Variants in KCND2 observed in about 807,000 individuals in gnomAD.
KCND2 encodes A-type voltage-gated potassium channel KCND2.
In KCND2, 16 loss-of-function variants were observed where a neutral mutation model predicts 54.4. The ratio of observed to expected loss-of-function variants is 0.29; its 90% CI spans 0.20 to 0.45. The LOEUF (loss-of-function observed/expected upper bound fraction) is 0.45. KCND2 is among the 20% of genes least tolerant of loss of function. The pLI is 1.00. For missense variants in KCND2, 486 were observed against 824.2 expected, an observed-to-expected ratio of 0.59 and a Z score of 5.02; for synonymous variants, 317 against 310.7, an observed-to-expected ratio of 1.02 and a Z score of -0.21.
chr7:120,686,278 A>T lies in KCND2; in HGVS notation c.1116-46625A>T, dbSNP rs116260716. Among the ~76,000 whole-genome samples, 520 of 152,316 alleles carry T rather than the reference A, an allele frequency of 3.4e-3. 7 individuals carry two copies. The highest frequency in any genetic ancestry group is 0.012 in the African/African-American group (489 of 41,580). ...ATACTCTTAGATACATATGCCCAGA[A>T]GTAGGATTGCTGTATCATAGTGGAG... On this transcript the variant is annotated intron_variant, in intron 1 of 5. Coordinates refer to ENST00000331113, the MANE Select transcript of KCND2 (RefSeq NM_012281.3).
chr7:120,419,390 C>T, intron 1 of KCND2, among the ~76,000 whole-genome samples: 1 of 152,140 alleles, frequency 6.6e-6, no homozygotes, highest in East Asian at 1.9e-4. Flanking sequence ...AATCCTTTGT[C>T]TATGACTTAT....
intron 1 of KCND2, among the ~76,000 whole-genome samples, chr7:120,690,893 T>C (rs1792260363): frequency 6.6e-6 from 1 of 152,046 alleles, no homozygotes; most frequent in African/African-American, 2.4e-5. Flanking sequence ...ATGCATGCTA[T>C]AAAGAAAAAG....
intron 1 of KCND2, among the ~76,000 whole-genome samples, chr7:120,284,485 T>C (rs1011581942): frequency 6.6e-6 from 1 of 152,198 alleles, no homozygotes; most frequent in Non-Finnish European, 1.5e-5. Context: ...GAGGTGTTTT[T>C]GTATTCTTCT....
chr7:120,707,101 A>G (rs1357655014), intron 1 of KCND2, among the ~76,000 whole-genome samples: 1 of 152,132 alleles, frequency 6.6e-6, no homozygotes, highest in African/African-American at 2.4e-5. Flanking sequence ...TGCTTTATCA[A>G]TTCTATGACT....
chr7:120,702,312 G>GA (rs935686124), intron 1 of KCND2, among the ~76,000 whole-genome samples: 5 of 152,178 alleles, frequency 3.3e-5, no homozygotes, highest in African/African-American at 9.6e-5. Context: ...TGAGGTTGCA[G>GA]AAAAAAGGAA....
chr7:120,312,600 A>C (rs1415965277), intron 1 of KCND2, among the ~76,000 whole-genome samples: 1 of 152,156 alleles, frequency 6.6e-6, no homozygotes, highest in East Asian at 1.9e-4. Context: ...TATGGCGACA[A>C]AAATTCATAC....
intron 1 of KCND2, among the ~76,000 whole-genome samples, chr7:120,332,649 G>C (rs7800044): frequency 0.96 from 145,575 of 152,138 alleles, 69,964 homozygotes; most frequent in East Asian, 1. Flanking sequence ...TTTAAAGGAG[G>C]CTTTCATAAA....
At chr7:120,421,924 G>T (rs893968498) in intron 1 of KCND2, among the ~76,000 whole-genome samples, 1 of 152,214 alleles carries the variant, frequency 6.6e-6, no homozygotes, top group Non-Finnish European at 1.5e-5. Flanking sequence ...GAGCTGGGCA[G>T]TTGGAGATCC....
intron 1 of KCND2, among the ~76,000 whole-genome samples, chr7:120,385,990 C>G (rs1800982298): frequency 6.6e-6 from 1 of 152,090 alleles, no homozygotes; most frequent in Admixed American, 6.6e-5. Context: ...ACTGAACACA[C>G]ATTATTTTTG....
At chr7:120,588,770 G>A (rs1201121520) in intron 1 of KCND2, among the ~76,000 whole-genome samples, 3 of 152,176 alleles carry the variant, frequency 2.0e-5, no homozygotes, top group Non-Finnish European at 2.9e-5. Context: ...GGAACAGGAA[G>A]AGGACTGAAT....
rs1792828659 is a variant in KCND2 at position 120,733,154 on chromosome 7, T to C, written c.1278+89T>C. On this transcript the variant is annotated intron_variant, in intron 2 of 5. Transcript: ENST00000331113. ...ATTTCTTAATGGTTATTCAGTGCTCTGGATTGGTCAGTAGTTGCATCAATC... is the reference window on the plus strand; with the variant it reads ...ATTTCTTAATGGTTATTCAGTGCTCCGGATTGGTCAGTAGTTGCATCAATC... 3 of 1,356,558 alleles carry C rather than the reference T, an allele frequency of 2.2e-6. No individual in the cohort carries two copies. In the East Asian group the frequency reaches 7.1e-5, roughly 32 times the overall value. 84.0% of individuals were successfully genotyped at this position (1,356,558 alleles called of 1,614,324 possible).
chr7:120,291,206 G>A (rs939053325), intron 1 of KCND2, among the ~76,000 whole-genome samples: 41 of 151,830 alleles, frequency 2.7e-4, no homozygotes, highest in African/African-American at 9.9e-4. Context: ...TTATCTTTAT[G>A]CATAGAAATT....
At chr7:120,514,982 T>C (rs925449702) in intron 1 of KCND2, among the ~76,000 whole-genome samples, 1 of 152,132 alleles carries the variant, frequency 6.6e-6, no homozygotes, top group Non-Finnish European at 1.5e-5. Context: ...ATTTCATTCC[T>C]ACTTAAAATG....
chr7:120,384,146 G>A (rs1388533188), intron 1 of KCND2, among the ~76,000 whole-genome samples: 1 of 151,968 alleles, frequency 6.6e-6, no homozygotes, highest in African/African-American at 2.4e-5. Context: ...GATGTAAACA[G>A]TTATGTTGCA....
chr7:120,632,718 A>G (rs1370802451), intron 1 of KCND2, among the ~76,000 whole-genome samples: 10 of 152,174 alleles, frequency 6.6e-5, no homozygotes, highest in African/African-American at 1.7e-4. Flanking sequence ...GAGTTGTTTT[A>G]CTGTTTTAAC....
intron 1 of KCND2, among the ~76,000 whole-genome samples, chr7:120,465,657 T>C (rs1324120490): frequency 1.3e-5 from 2 of 152,024 alleles, no homozygotes; most frequent in African/African-American, 2.4e-5. Flanking sequence ...TGGAGCTGCC[T>C]AGCAGTCAGA....
intron 1 of KCND2, among the ~76,000 whole-genome samples, chr7:120,455,662 A>C (rs1802188913): frequency 1.3e-5 from 2 of 152,196 alleles, no homozygotes; most frequent in African/African-American, 2.4e-5. Flanking sequence ...ATAAAAAATG[A>C]ATGAGATCAT....
At chr7:120,485,384 A>G (rs1041268268) in intron 1 of KCND2, among the ~76,000 whole-genome samples, 6 of 152,210 alleles carry the variant, frequency 3.9e-5, no homozygotes, top group African/African-American at 1.4e-4. Context: ...TTGTCCCCTC[A>G]TATAATGCCA....
chr7:120,423,824 C>A (rs4282509), intron 1 of KCND2, among the ~76,000 whole-genome samples: 37,703 of 152,040 alleles, frequency 0.25, 6,407 homozygotes, highest in East Asian at 0.57. Flanking sequence ...GCTTTCTATC[C>A]AAGCCAAACT....
Sources: allele counts gnomAD v4.1 joint callset (sites outside exome capture counted in the v4.1 genomes callset), GRCh38; gene constraint gnomAD v4.1.1; transcripts MANE v1.5; gene names NCBI Gene and HGNC (gene_info 2026-07-23, HGNC 2026-07-21).